FNDC3B: variants seen among roughly 807,000 people sequenced by gnomAD.
FNDC3B encodes fibronectin type III domain-containing protein 3B.
A neutral mutation model predicts 151.5 loss-of-function variants in FNDC3B; 12 were observed. The observed-to-expected ratio is 0.08, with a 90% CI of 0.05 to 0.13. FNDC3B has a LOEUF of 0.13. Ranked by LOEUF, FNDC3B falls within the 10% of genes least tolerant of loss-of-function variation. FNDC3B has a pLI of 1.00. For synonymous variants in FNDC3B, 528 were observed against 549.0 expected, an observed-to-expected ratio of 0.96 and a Z score of 0.54; for missense variants, 1,214 against 1,505.3, an observed-to-expected ratio of 0.81 and a Z score of 3.20.
intron 9 of FNDC3B, among the ~76,000 whole-genome samples, chr3:172,305,180 C>T (rs776286699): frequency 6.6e-6 from 1 of 152,154 alleles, no homozygotes; most frequent in South Asian, 2.1e-4. Context: ...TATTATTTCA[C>T]CTATAAACTA....
chr3:172,198,486 G>A (rs1576789618), intron 3 of FNDC3B, among the ~76,000 whole-genome samples: 6 of 152,290 alleles, frequency 3.9e-5, no homozygotes, highest in Admixed American at 3.9e-4. Context: ...CAACACTCAA[G>A]GGGTTGTTCT....
At chr3:172,136,631 G>T (rs1214018178) in intron 3 of FNDC3B, among the ~76,000 whole-genome samples, 2 of 152,168 alleles carry the variant, frequency 1.3e-5, no homozygotes, top group African/African-American at 4.8e-5. Context: ...ATTTCTGAAA[G>T]AAATATTTGT....
At chr3:172,154,613 G>A (rs950956337) in intron 3 of FNDC3B, among the ~76,000 whole-genome samples, 52 of 152,248 alleles carry the variant, frequency 3.4e-4, no homozygotes, top group African/African-American at 1.2e-3. Context: ...CAGAGAGGCC[G>A]GAGCCCAGCT....
chr3:172,385,570 T>C (rs1315443003), intron 25 of FNDC3B, among the ~76,000 whole-genome samples: 2 of 151,434 alleles, frequency 1.3e-5, no homozygotes, highest in Non-Finnish European at 3.0e-5. Context: ...TTTCTTTTTT[T>C]TTTTTTTGGA....
chr3:172,201,740 A>T (rs969757933), intron 3 of FNDC3B, among the ~76,000 whole-genome samples: 1 of 152,212 alleles, frequency 6.6e-6, no homozygotes, highest in Non-Finnish European at 1.5e-5. Context: ...TGGATATCAG[A>T]ATAGCCTTCA....
intron 3 of FNDC3B, among the ~76,000 whole-genome samples, chr3:172,211,561 G>A (rs1459131029): frequency 1.3e-5 from 2 of 152,216 alleles, no homozygotes; most frequent in Admixed American, 6.5e-5. Flanking sequence ...TGTCATAGAA[G>A]GAGAAGATAA....
At chr3:172,241,662 C>T (rs1487996690) in intron 4 of FNDC3B, among the ~76,000 whole-genome samples, 2 of 152,122 alleles carry the variant, frequency 1.3e-5, no homozygotes, top group Non-Finnish European at 2.9e-5. Flanking sequence ...TGGGAAAGAC[C>T]TGCCCCCATG....
At chr3:172,103,675 C>A (rs1719484300) in intron 1 of FNDC3B, among the ~76,000 whole-genome samples, 1 of 152,076 alleles carries the variant, frequency 6.6e-6, no homozygotes, top group Non-Finnish European at 1.5e-5. Context: ...TGTTTTTAAT[C>A]TAAAAAACTC....
intron 1 of FNDC3B, among the ~76,000 whole-genome samples, chr3:172,110,100 C>T (rs533798892): frequency 3.3e-5 from 5 of 152,260 alleles, no homozygotes; most frequent in South Asian, 2.1e-4. Context: ...TCATTGACAG[C>T]GGTCCTGTTA....
Position 172,398,294 on chromosome 3 carries a change from T to G in FNDC3B, c.*819T>G, listed in dbSNP as rs1251001715. 4 of 152,672 alleles carry G rather than the reference T, an allele frequency of 2.6e-5. No homozygotes were observed. Among genetic ancestry groups the G allele is most frequent in the African/African-American group, 9.6e-5 (4 of 41,456 alleles). 9.5% of individuals were successfully genotyped at this position (152,672 alleles called of 1,614,324 possible). A position where few individuals can be genotyped will look rare whatever the true frequency, so the allele number is the denominator to read the frequency against. ...TCTTTGTATATAACTACTTCTAATC[T>G]AATCACTAGAGTTATTATATTCTGT... On this transcript the variant is annotated 3_prime_UTR_variant, in exon 26 of 26. Transcript: ENST00000415807.
chr3:172,296,722 G>A (rs2108842700), intron 8 of FNDC3B, among the ~76,000 whole-genome samples: 1 of 152,310 alleles, frequency 6.6e-6, no homozygotes, highest in Non-Finnish European at 1.5e-5. Flanking sequence ...CCCATGCCTG[G>A]CAAGGAACAG....
chr3:172,083,657 G>A (rs533576129), intron 1 of FNDC3B, among the ~76,000 whole-genome samples: 155 of 152,298 alleles, frequency 1.0e-3, no homozygotes, highest in African/African-American at 3.6e-3. Flanking sequence ...TTGTTAGGAA[G>A]CAAATTCATA....
At chr3:172,071,008 T>C (rs959541421) in intron 1 of FNDC3B, among the ~76,000 whole-genome samples, 2 of 152,226 alleles carry the variant, frequency 1.3e-5, no homozygotes, top group Non-Finnish European at 2.9e-5. Context: ...ATCAGCATTT[T>C]TCAAGGTTAC....
chr3:172,377,490 GA>G (rs757046777), intron 23 of FNDC3B, among the ~76,000 whole-genome samples: 2 of 152,160 alleles, frequency 1.3e-5, no homozygotes, highest in Non-Finnish European at 1.5e-5. Context: ...GACCCTGGGG[GA>G]AAACACCTAA....
At chr3:172,086,562 TA>T (rs1158292735) in intron 1 of FNDC3B, among the ~76,000 whole-genome samples, 1 of 152,226 alleles carries the variant, frequency 6.6e-6, no homozygotes, top group Non-Finnish European at 1.5e-5. Context: ...ACTCTTTATG[TA>T]AAAATTGGCC....
Position 172,109,179 on chromosome 3 carries a change from T to C in FNDC3B, c.-28-3273T>C, listed in dbSNP as rs535671215. Among the ~76,000 whole-genome samples, 98 of 150,784 alleles carry C rather than the reference T, an allele frequency of 6.5e-4. 1 individual carries two copies. Among genetic ancestry groups the C allele is most frequent in the African/African-American group, 2.2e-3 (89 of 40,816 alleles). On this transcript the variant is annotated intron_variant, in intron 1 of 25. Transcript: ENST00000415807. The stretch of plus-strand genomic sequence containing the variant: ...GCCTTGGATTCTTTTTTTTTTTTTT[T>C]TTTTGAGACGGAGTCTTGCTCTGTC...
intron 6 of FNDC3B, among the ~76,000 whole-genome samples, chr3:172,269,609 A>G (rs7615078): frequency 0.082 from 12,526 of 151,898 alleles, 796 homozygotes; most frequent in African/African-American, 0.18. Context: ...ACTGTACTAC[A>G]AATCTGTGTG....
chr3:172,354,989 AG>A (rs1420886649), intron 22 of FNDC3B, among the ~76,000 whole-genome samples: 1 of 151,954 alleles, frequency 6.6e-6, no homozygotes, highest in African/African-American at 2.4e-5. Context: ...AATGCAAAAA[AG>A]CTTCTTCAAT....
At chr3:172,341,031 T>TA (rs1265973487) in intron 16 of FNDC3B, 82 bp from the exon 17 acceptor site, 1 of 895,464 alleles carries the variant, frequency 1.1e-6, no homozygotes, top group African/African-American at 1.7e-5. Flanking sequence ...CATGAAAACA[T>TA]AGAGCTTTTT....
Sources: gnomAD v4.1 joint callset for allele counts (sites outside exome capture counted in the v4.1 genomes callset) on GRCh38, gnomAD v4.1.1 for gene constraint, MANE v1.5 for transcripts, NCBI Gene and HGNC (gene_info 2026-07-23, HGNC 2026-07-21) for gene names.